NEDD4L: variants seen among roughly 807,000 people sequenced by gnomAD.
The protein encoded by NEDD4L is E3 ubiquitin-protein ligase NEDD4-like.
In NEDD4L, 54 loss-of-function variants were observed where a neutral mutation model predicts 148.9. The observed-to-expected ratio is 0.36, with a 90% CI of 0.29 to 0.45. The LOEUF (loss-of-function observed/expected upper bound fraction) is 0.45. Among genes scored for constraint, NEDD4L ranks in the 20% least tolerant of loss-of-function variants. The pLI is 1.00. For synonymous variants in NEDD4L, 433 were observed against 440.7 expected (o/e 0.98, Z 0.22); for missense variants, 856 against 1,233.8 (o/e 0.69, Z 4.59).
chr18:58,142,311 G>T (rs996575998), intron 1 of NEDD4L, among the ~76,000 whole-genome samples: 1 of 148,214 alleles, frequency 6.7e-6, no homozygotes, highest in African/African-American at 2.5e-5. Flanking sequence ...ACCTCCCAAA[G>T]TGCTGGGATT....
At chr18:58,216,758 G>A (rs1456505483) in intron 2 of NEDD4L, among the ~76,000 whole-genome samples, 4 of 152,176 alleles carry the variant, frequency 2.6e-5, no homozygotes, top group African/African-American at 9.7e-5. Context: ...GAAGATGGTG[G>A]TAGAGGAGAA....
chr18:58,136,630 T>A (rs1462649928), intron 1 of NEDD4L, among the ~76,000 whole-genome samples: 3 of 152,100 alleles, frequency 2.0e-5, no homozygotes, highest in African/African-American at 7.3e-5. Flanking sequence ...CAGATTTAAG[T>A]AAAACTTAAC....
At position 58,256,207 on chromosome 18, in the gene NEDD4L, C is replaced by T; in HGVS notation, c.297+4153C>T. The T allele has an allele frequency of 1.6e-6, 2 of 1,220,976 alleles. No homozygotes were observed. The highest frequency in any genetic ancestry group is 1.0e-6 in the Non-Finnish European group (1 of 981,116). The allele number at this position is 1,220,976 out of a possible 1,614,324, so 75.6% of individuals were successfully genotyped here. ...ACTGCGCGGAGGAGGCTGCCCCGGG[C>T]CTGCGCATCCAGCACCGCGCCTCCA... On this transcript the variant is annotated intron_variant, in intron 5 of 30. Transcript: ENST00000400345. The surrounding 1 kb of genome is among the most constrained non-coding windows in gnomAD (Gnocchi z 5.2).
chr18:58,137,594 C>CA (rs2032992008), intron 1 of NEDD4L, among the ~76,000 whole-genome samples: 1 of 152,228 alleles, frequency 6.6e-6, no homozygotes, highest in African/African-American at 2.4e-5. Flanking sequence ...CAGCCGCTTC[C>CA]ACCTCTTTTG....
intron 2 of NEDD4L, among the ~76,000 whole-genome samples, chr18:58,226,269 G>C (rs903944839): frequency 3.3e-5 from 5 of 152,278 alleles, no homozygotes; most frequent in African/African-American, 1.2e-4. Flanking sequence ...AGGTATAGTA[G>C]TTTAGACTTA....
chr18:58,157,185 C>CAAAAAAAAAA (rs59302556), intron 1 of NEDD4L, among the ~76,000 whole-genome samples: 4 of 89,312 alleles, frequency 4.5e-5, no homozygotes, highest in African/African-American at 3.6e-5. Flanking sequence ...GACCTTGTCT[C>CAAAAAAAAAA]AAAAAAAAAA....
intron 1 of NEDD4L, among the ~76,000 whole-genome samples, chr18:58,104,194 T>C (rs894800): frequency 0.25 from 37,508 of 152,124 alleles, 8,700 homozygotes; most frequent in African/African-American, 0.62. Flanking sequence ...CCATGCTAAG[T>C]GAAAGAAGCC....
At chr18:58,240,904 G>T (rs947140115) in intron 2 of NEDD4L, among the ~76,000 whole-genome samples, 1 of 152,100 alleles carries the variant, frequency 6.6e-6, no homozygotes, top group South Asian at 2.1e-4. Flanking sequence ...CCCCCTCCTG[G>T]ATTCAAGTGA....
intron 5 of NEDD4L, among the ~76,000 whole-genome samples, chr18:58,269,341 A>G (rs2148790329): frequency 6.6e-6 from 1 of 152,152 alleles, no homozygotes. Context: ...AGGCTACTGA[A>G]TGGCTCATTT....
At chr18:58,064,837 T>A (rs1047261065) in intron 1 of NEDD4L, among the ~76,000 whole-genome samples, 22 of 152,310 alleles carry the variant, frequency 1.4e-4, no homozygotes, top group African/African-American at 5.1e-4. Flanking sequence ...CCAGGCGTGA[T>A]GACTCATCCC....
chr18:58,122,811 C>T (rs2030211246), intron 1 of NEDD4L, among the ~76,000 whole-genome samples: 1 of 152,044 alleles, frequency 6.6e-6, no homozygotes, highest in Non-Finnish European at 1.5e-5. Context: ...TCTCGGCTCA[C>T]TGCAGTGTCT....
At chr18:58,161,723 TG>T (rs957233744) in intron 1 of NEDD4L, among the ~76,000 whole-genome samples, 1 of 151,728 alleles carries the variant, frequency 6.6e-6, no homozygotes, top group African/African-American at 2.4e-5. Flanking sequence ...GGTCAGGAGG[TG>T]GGGGGTGCTT....
chr18:58,359,244 G>A (rs999021936), intron 19 of NEDD4L, among the ~76,000 whole-genome samples: 5 of 151,656 alleles, frequency 3.3e-5, no homozygotes, highest in Non-Finnish European at 7.4e-5. Flanking sequence ...TTTCTCTCTC[G>A]CGATATTTTA....
At chr18:58,102,177 A>G (rs1568217585) in intron 1 of NEDD4L, among the ~76,000 whole-genome samples, 1 of 151,858 alleles carries the variant, frequency 6.6e-6, no homozygotes, top group African/African-American at 2.4e-5. Flanking sequence ...TTCCCCCTCC[A>G]TGACTGCCTG....
At chr18:58,289,362 G>A (rs1440507191) in intron 5 of NEDD4L, among the ~76,000 whole-genome samples, 1 of 152,158 alleles carries the variant, frequency 6.6e-6, no homozygotes, top group Non-Finnish European at 1.5e-5. Context: ...GCATGCTGCT[G>A]GGTTGCAGCC....
At chr18:58,169,105 C>T (rs959974199) in intron 2 of NEDD4L, among the ~76,000 whole-genome samples, 1 of 152,212 alleles carries the variant, frequency 6.6e-6, no homozygotes, top group Non-Finnish European at 1.5e-5. Flanking sequence ...GGAGGTGGCC[C>T]CTTCCCCCTT....
At chr18:58,292,904 A>G (rs2054974491) in intron 5 of NEDD4L, among the ~76,000 whole-genome samples, 1 of 152,246 alleles carries the variant, frequency 6.6e-6, no homozygotes, top group Non-Finnish European at 1.5e-5. Context: ...CTTTAGATCC[A>G]TAAAATGTTT....
chr18:58,288,518 G>A (rs954502357), intron 5 of NEDD4L, among the ~76,000 whole-genome samples: 2 of 152,182 alleles, frequency 1.3e-5, no homozygotes, highest in African/African-American at 4.8e-5. Flanking sequence ...TAGCGAAAAA[G>A]AACAGTGAGT....
chr18:58,336,536 C>T (rs982895292), intron 13 of NEDD4L, among the ~76,000 whole-genome samples: 2 of 151,520 alleles, frequency 1.3e-5, no homozygotes, highest in Non-Finnish European at 2.9e-5. Context: ...GAGATCGCAC[C>T]ACTGCTCTCC....
Sources: gnomAD v4.1 joint callset for allele counts (sites outside exome capture counted in the v4.1 genomes callset) on GRCh38, gnomAD v4.1.1 for gene constraint, Gnocchi (gnomAD v3.1) non-coding constraint, MANE v1.5 for transcripts, NCBI Gene and HGNC (gene_info 2026-07-23, HGNC 2026-07-21) for gene names.